GPC3: variants seen among roughly 807,000 people sequenced by gnomAD.
GPC3 encodes the protein glypican 3, also known as glypican-3.
Under a neutral mutation model 34.4 loss-of-function variants are expected in GPC3, and 3 were observed. The observed-to-expected ratio is 0.09, with a 90% CI of 0.04 to 0.23. The LOEUF is 0.23. Ranked by LOEUF, GPC3 falls within the 10% of genes least tolerant of loss-of-function variation. The pLI is 1.00. For missense variants in GPC3, 351 were observed against 445.6 expected (o/e 0.79, Z 1.91); for synonymous variants, 177 against 174.0 (o/e 1.02, Z -0.13).
In GPC3 at chrX:133,647,262, T is replaced by C. The variant is rs138007793; in HGVS notation, c.1413+14468A>G. Among the ~76,000 whole-genome samples the C allele has an allele frequency of 2.0e-3, 222 of 112,733 alleles. 1 individual carries two copies. Among genetic ancestry groups the C allele is most frequent in the African/African-American group, 6.9e-3 (213 of 31,076 alleles). The stretch of plus-strand genomic sequence containing the variant: ...ATAAATAGTTATCAGCCACTTATTC[T>C]ATACCAGGCATTGTTCAAAGAGCTG... On this transcript the variant is annotated intron_variant, in intron 6 of 7. Coordinates refer to ENST00000370818, the MANE Select transcript of GPC3 (RefSeq NM_004484.4).
chrX:133,599,939 C>T (rs1008156982), intron 6 of GPC3, among the ~76,000 whole-genome samples: 20 of 111,518 alleles, frequency 1.8e-4, no homozygotes, highest in African/African-American at 6.2e-4. Flanking sequence ...CAAGTTCTAA[C>T]GCCATGTCAT....
intron 2 of GPC3, chrX:133,763,073 C>T (rs183102728): frequency 3.9e-4 from 251 of 638,637 alleles, no homozygotes; most frequent in Admixed American, 5.3e-4. Flanking sequence ...TTTGCTGCTG[C>T]CATGGGAGCC....
chrX:133,889,831 CTTTTTTTTT>C (rs781203121), intron 2 of GPC3, among the ~76,000 whole-genome samples: 1 of 75,805 alleles, frequency 1.3e-5, no homozygotes, highest in Non-Finnish European at 2.5e-5. Flanking sequence ...TTCTAGCCTT[CTTTTTTTTT>C]TTTTTTTTTT....
rs182549445 is a variant in GPC3 at position 133,646,336 on chromosome X, T to A, written c.1413+15394A>T. Among the ~76,000 whole-genome samples the A allele has an allele frequency of 2.0e-3, 218 of 111,787 alleles. 1 individual carries two copies. Among genetic ancestry groups the A allele is most frequent in the African/African-American group, 6.8e-3 (209 of 30,787 alleles). On this transcript the variant is annotated intron_variant, in intron 6 of 7. Transcript: ENST00000370818. ...CAGCAGAGAAGTGAGTAGGACATAG[T>A]AGGTCCAGGGAATATACTGAAAGTA...
chrX:133,898,148 C>G (rs1286198188), intron 2 of GPC3, among the ~76,000 whole-genome samples: 2 of 111,614 alleles, frequency 1.8e-5, no homozygotes, highest in African/African-American at 3.3e-5. Context: ...AAAGGTGCCT[C>G]TCTCCCTTCC....
chrX:133,752,373 C>T (rs931366280), intron 3 of GPC3, among the ~76,000 whole-genome samples: 25 of 111,379 alleles, frequency 2.2e-4, no homozygotes, highest in Non-Finnish European at 4.3e-4. Context: ...TAGAATATTT[C>T]TAAAACAGAA....
At chrX:133,889,296 G>A (rs1013448386) in intron 2 of GPC3, among the ~76,000 whole-genome samples, 1 of 112,334 alleles carries the variant, frequency 8.9e-6, no homozygotes, top group Non-Finnish European at 1.9e-5. Context: ...ACATCCTGCA[G>A]TTTAGGAAAT....
chrX:133,653,140 G>A (rs2070619191), intron 6 of GPC3, among the ~76,000 whole-genome samples: 1 of 112,005 alleles, frequency 8.9e-6, no homozygotes, highest in African/African-American at 3.2e-5. Flanking sequence ...GCTCACGTGG[G>A]ATTAAGCCTT....
At chrX:133,966,703 C>T (rs768830809) in intron 1 of GPC3, among the ~76,000 whole-genome samples, 7 of 112,121 alleles carry the variant, frequency 6.2e-5, no homozygotes, top group African/African-American at 1.9e-4. Context: ...GAGTGAGAAG[C>T]GCTGTTATTG....
chrX:133,947,865 T>C (rs1156750030), intron 2 of GPC3, among the ~76,000 whole-genome samples: 1 of 111,915 alleles, frequency 8.9e-6, no homozygotes, highest in Non-Finnish European at 1.9e-5. Flanking sequence ...TCCTATTCAG[T>C]TTAATGCTAT....
At chrX:133,722,330 C>T (rs754538223) in intron 3 of GPC3, among the ~76,000 whole-genome samples, 11 of 111,017 alleles carry the variant, frequency 9.9e-5, no homozygotes, top group Non-Finnish European at 1.9e-4. Context: ...CATTACATAC[C>T]ACCCTATCAC....
chrX:133,614,192 A>G (rs2070137679), intron 6 of GPC3, among the ~76,000 whole-genome samples: 1 of 111,778 alleles, frequency 8.9e-6, no homozygotes, highest in Admixed American at 9.5e-5. Context: ...AAGAAAGAAT[A>G]TTTAAAGACA....
chrX:133,684,751 AT>A (rs1443696986), intron 5 of GPC3, among the ~76,000 whole-genome samples: 4 of 111,481 alleles, frequency 3.6e-5, no homozygotes, highest in Non-Finnish European at 7.5e-5. Flanking sequence ...ATAATAACTT[AT>A]TTTAGCACGA....
In GPC3 at chrX:133,906,376, A is replaced by G. The variant is rs146790392; in HGVS notation, c.337+46674T>C. ...ACATGTAGGAGGTAAACTGTGTATTAAATTAAAATATAGATATTAAAAAGG... is the reference window on the plus strand; with the variant it reads ...ACATGTAGGAGGTAAACTGTGTATTGAATTAAAATATAGATATTAAAAAGG... On this transcript the variant is annotated intron_variant, in intron 2 of 7. Coordinates refer to ENST00000370818, the MANE Select transcript of GPC3 (RefSeq NM_004484.4). 4.8e-3 allele frequency among the ~76,000 whole-genome samples: 536 copies of G among 112,127 alleles called. 1 individual carries two copies. Among genetic ancestry groups the G allele is most frequent in the African/African-American group, 0.016 (498 of 30,930 alleles).
intron 2 of GPC3, among the ~76,000 whole-genome samples, chrX:133,794,063 C>A (rs1034858596): frequency 2.7e-5 from 3 of 112,127 alleles, no homozygotes; most frequent in Admixed American, 9.5e-5. Flanking sequence ...CCAAACTTAT[C>A]AAAATAATTC....
chrX:133,749,176 G>A (rs1328437485), intron 3 of GPC3, among the ~76,000 whole-genome samples: 1 of 112,043 alleles, frequency 8.9e-6, no homozygotes, highest in Admixed American at 9.4e-5. Flanking sequence ...CATGAGAATC[G>A]CATGGGCCCA....
chrX:133,958,407 A>T (rs1304211249), intron 1 of GPC3, among the ~76,000 whole-genome samples: 2 of 108,373 alleles, frequency 1.8e-5, no homozygotes, highest in African/African-American at 6.7e-5. Context: ...GTAACTAGGC[A>T]TGGTAGTGCA....
At chrX:133,712,983 G>A (rs1376694174) in intron 3 of GPC3, among the ~76,000 whole-genome samples, 2 of 112,384 alleles carry the variant, frequency 1.8e-5, no homozygotes, top group Non-Finnish European at 3.8e-5. Flanking sequence ...ACTCTCCAAT[G>A]ATGGAGAAAC....
At chrX:133,840,464 C>A (rs2075819005) in intron 2 of GPC3, among the ~76,000 whole-genome samples, 1 of 111,015 alleles carries the variant, frequency 9.0e-6, no homozygotes. Context: ...GTGGCTTCAT[C>A]CCTAAAATGG....
Sources: allele counts gnomAD v4.1 joint callset (sites outside exome capture counted in the v4.1 genomes callset), GRCh38; gene constraint gnomAD v4.1.1; transcripts MANE v1.5; gene names NCBI Gene and HGNC (gene_info 2026-07-23, HGNC 2026-07-21).